AGBL4: variants seen among roughly 807,000 people sequenced by gnomAD.
AGBL4 encodes AGBL carboxypeptidase 4.
In AGBL4, 58 loss-of-function variants were observed where a neutral mutation model predicts 66.4. The ratio of observed to expected loss-of-function variants is 0.87; its 90% CI spans 0.71 to 1.09. AGBL4 has a LOEUF of 1.09. Among genes scored for constraint, AGBL4 ranks in the 50% least tolerant of loss-of-function variants. AGBL4 has a pLI of 0.00. For synonymous variants in AGBL4, 234 were observed against 222.9 expected (o/e 1.05, Z -0.44); for missense variants, 579 against 631.0 (o/e 0.92, Z 0.88).
At chr1:49,398,333 T>TTCTCTCTCTCTCTC (rs36025670) in intron 3 of AGBL4, among the ~76,000 whole-genome samples, 2 of 143,600 alleles carry the variant, frequency 1.4e-5, no homozygotes, top group African/African-American at 5.2e-5. Flanking sequence ...CTCTCTCTCT[T>TTCTCTCTCTCTCTC]TCTCTCTCTC....
intron 4 of AGBL4, among the ~76,000 whole-genome samples, chr1:49,052,997 G>A (rs150061541): frequency 7.3e-4 from 111 of 152,256 alleles, no homozygotes; most frequent in African/African-American, 2.6e-3. Context: ...TCTATAAAAT[G>A]CAAATAGTGT....
intron 3 of AGBL4, among the ~76,000 whole-genome samples, chr1:49,646,266 A>G (rs183604099): frequency 6.6e-6 from 1 of 152,060 alleles, no homozygotes; most frequent in African/African-American, 2.4e-5. Context: ...TTTTCAGCTG[A>G]CATGAATGTC....
intron 2 of AGBL4, among the ~76,000 whole-genome samples, chr1:49,700,056 ATTTTG>A (rs1464155852): frequency 1.6e-4 from 24 of 151,756 alleles, no homozygotes; most frequent in African/African-American, 5.1e-4. Flanking sequence ...ACAAAATTTT[ATTTTG>A]GATATAATAT....
intron 3 of AGBL4, among the ~76,000 whole-genome samples, chr1:49,420,483 G>A (rs976640373): frequency 2.0e-5 from 3 of 151,980 alleles, no homozygotes; most frequent in Admixed American, 6.6e-5. Context: ...GGCGGATCAC[G>A]AGGTCAGGAG....
At chr1:49,499,570 T>C (rs1039942315) in intron 3 of AGBL4, among the ~76,000 whole-genome samples, 5 of 151,772 alleles carry the variant, frequency 3.3e-5, no homozygotes, top group African/African-American at 1.2e-4. Context: ...TGCTTTTGTT[T>C]CCTCATACCT....
At chr1:50,015,970 A>C (rs953643582) in intron 1 of AGBL4, among the ~76,000 whole-genome samples, 1 of 152,174 alleles carries the variant, frequency 6.6e-6, no homozygotes, top group Admixed American at 6.5e-5. Context: ...CATATACAAA[A>C]ATCAACTCAA....
At chr1:48,680,881 C>T (rs1315455350) in intron 6 of AGBL4, among the ~76,000 whole-genome samples, 1 of 152,198 alleles carries the variant, frequency 6.6e-6, no homozygotes, top group Non-Finnish European at 1.5e-5. Context: ...TTGGCCACTG[C>T]TCCTGCTTGC....
chr1:49,019,703 TA>T (rs1212611225), intron 5 of AGBL4, among the ~76,000 whole-genome samples: 2 of 152,234 alleles, frequency 1.3e-5, no homozygotes, highest in African/African-American at 4.8e-5. Context: ...TGTTAAATTA[TA>T]GTTACCAGTT....
At chr1:49,006,433 G>C (rs1312406275) in intron 5 of AGBL4, among the ~76,000 whole-genome samples, 1 of 151,912 alleles carries the variant, frequency 6.6e-6, no homozygotes, top group Non-Finnish European at 1.5e-5. Flanking sequence ...ACTGCAAGGC[G>C]GCAGCGAGGC....
intron 3 of AGBL4, among the ~76,000 whole-genome samples, chr1:49,374,982 A>G (rs139792032): frequency 2.0e-3 from 307 of 152,124 alleles, no homozygotes; most frequent in African/African-American, 6.3e-3. Context: ...CTATTGCTTT[A>G]CCTTTGACCA....
At chr1:49,686,651 C>A (rs1313331390) in intron 3 of AGBL4, among the ~76,000 whole-genome samples, 1 of 152,176 alleles carries the variant, frequency 6.6e-6, no homozygotes, top group African/African-American at 2.4e-5. Flanking sequence ...AGAACCTTAT[C>A]TGTCTTATTC....
chr1:48,911,463 AC>A (rs1653096077), intron 5 of AGBL4, among the ~76,000 whole-genome samples: 2 of 152,048 alleles, frequency 1.3e-5, no homozygotes, highest in African/African-American at 4.8e-5. Context: ...TAAAAAAAAT[AC>A]AAAAAATTAG....
At chr1:49,379,763 C>T (rs1034698647) in intron 3 of AGBL4, among the ~76,000 whole-genome samples, 1 of 152,038 alleles carries the variant, frequency 6.6e-6, no homozygotes, top group African/African-American at 2.4e-5. Context: ...TTTTGATGTG[C>T]TGCTGGATTC....
At chr1:49,152,698 GC>G (rs1386934110) in intron 4 of AGBL4, among the ~76,000 whole-genome samples, 1 of 152,160 alleles carries the variant, frequency 6.6e-6, no homozygotes, top group African/African-American at 2.4e-5. Context: ...TGAACTTGGG[GC>G]AAGCATACCT....
At position 49,748,188 on chromosome 1, in the gene AGBL4, T is replaced by G. The variant is rs184885747; in HGVS notation, c.158-50751A>C. ...CGCCCCACCCCCTGACAGGCTCCGG[T>G]GTGTGATGTTCCCCTCCCTGTGCCC... On this transcript the variant is annotated intron_variant, in intron 2 of 13. Coordinates refer to ENST00000371839, the MANE Select transcript of AGBL4 (RefSeq NM_032785.4). Among the ~76,000 whole-genome samples, 207 of 151,830 alleles carry G rather than the reference T, an allele frequency of 1.4e-3. 1 individual carries two copies. Among genetic ancestry groups the G allele is most frequent in the African/African-American group, 4.7e-3 (195 of 41,450 alleles).
chr1:48,647,850 C>T (rs991938313), intron 8 of AGBL4, among the ~76,000 whole-genome samples: 2 of 150,464 alleles, frequency 1.3e-5, no homozygotes, highest in Middle Eastern at 3.2e-3. Context: ...AATTACCAAC[C>T]GATTCTACAC....
At chr1:49,758,265 T>C (rs1189021394) in intron 2 of AGBL4, among the ~76,000 whole-genome samples, 1 of 152,154 alleles carries the variant, frequency 6.6e-6, no homozygotes. Flanking sequence ...GGCAGAACTT[T>C]TGCTGTGGGT....
At chr1:49,957,403 C>G (rs966329123) in intron 1 of AGBL4, among the ~76,000 whole-genome samples, 1 of 151,866 alleles carries the variant, frequency 6.6e-6, no homozygotes, top group Non-Finnish European at 1.5e-5. Flanking sequence ...AGTTCAATTC[C>G]TGGGTATCCT....
chr1:49,018,777 T>C (rs1663016956), intron 5 of AGBL4, among the ~76,000 whole-genome samples: 1 of 152,168 alleles, frequency 6.6e-6, no homozygotes, highest in Admixed American at 6.5e-5. Context: ...GAATTTTAAC[T>C]CCTAGATATT....
Sources: allele counts gnomAD v4.1 joint callset (sites outside exome capture counted in the v4.1 genomes callset), GRCh38; gene constraint gnomAD v4.1.1; transcripts MANE v1.5; gene names NCBI Gene and HGNC (gene_info 2026-07-23, HGNC 2026-07-21).